Variants in RIC1 observed in about 807,000 individuals in gnomAD.
The protein encoded by RIC1 is guanine nucleotide exchange factor subunit RIC1.
A neutral mutation model predicts 169.0 loss-of-function variants in RIC1; 88 were observed. That is an observed-to-expected ratio of 0.52 (90% CI 0.44 to 0.62). The LOEUF (loss-of-function observed/expected upper bound fraction) is 0.62. Among genes scored for constraint, RIC1 ranks in the 20% least tolerant of loss-of-function variants. The probability of loss-of-function intolerance (pLI) is 0.00; values close to 1 mark genes in which losing one functional copy is unlikely to be tolerated. For missense variants in RIC1, 1,877 were observed against 1,725.5 expected, an observed-to-expected ratio of 1.09 and a Z score of -1.56; for synonymous variants, 790 against 601.5, an observed-to-expected ratio of 1.31 and a Z score of -4.59.
At chr9:5,702,448 C>T (rs1822281126) in intron 3 of RIC1, among the ~76,000 whole-genome samples, 1 of 152,222 alleles carries the variant, frequency 6.6e-6, no homozygotes, top group East Asian at 1.9e-4. Flanking sequence ...GCAGGCACCT[C>T]TTACACGGCC....
At position 5,726,466 on chromosome 9, in the gene RIC1, C is replaced by T. The variant is rs911404781; in HGVS notation, c.720+5716C>T. 2.0e-5 allele frequency among the ~76,000 whole-genome samples: 3 copies of T among 152,140 alleles called. No individual in the cohort carries two copies. The East Asian group carries it at 5.8e-4, about 29-fold the overall frequency. On this transcript the variant is annotated intron_variant, in intron 6 of 25. Transcript: ENST00000414202. ...GTGTGTCTCTGCACGTAAGGTAGGT[C>T]TCCAGAATACAGCACAATGATGGGT... is the stretch of plus-strand genomic sequence containing the variant.
intron 7 of RIC1, among the ~76,000 whole-genome samples, chr9:5,735,363 C>G (rs1317070033): frequency 6.6e-6 from 1 of 152,170 alleles, no homozygotes; most frequent in African/African-American, 2.4e-5. Flanking sequence ...GGCAAGTGTG[C>G]AGTTCCATTT....
chr9:5,653,517 G>C (rs915456579), intron 1 of RIC1, among the ~76,000 whole-genome samples: 1 of 152,138 alleles, frequency 6.6e-6, no homozygotes, highest in Admixed American at 6.6e-5. Context: ...AAGTTGGGAA[G>C]AACTGACATA....
At chr9:5,647,980 G>GTGGTGGGGGTGA (rs1818612717) in intron 1 of RIC1, among the ~76,000 whole-genome samples, 1 of 127,362 alleles carries the variant, frequency 7.9e-6, no homozygotes, top group Non-Finnish European at 1.6e-5. Context: ...GGTGATGGTG[G>GTGGTGGGGGTGA]TGGTGGTGGT....
intron 12 of RIC1, among the ~76,000 whole-genome samples, chr9:5,748,096 A>C (rs941378834): frequency 2.6e-5 from 4 of 152,258 alleles, no homozygotes; most frequent in African/African-American, 9.6e-5. Flanking sequence ...CATGGAAATT[A>C]ATTCTCAATT....
chr9:5,773,771 T>C (rs1422882077), intron 25 of RIC1, among the ~76,000 whole-genome samples, 187 bp from the exon 26 acceptor site: 1 of 152,192 alleles, frequency 6.6e-6, no homozygotes, highest in Non-Finnish European at 1.5e-5. Context: ...GCTTATGCAA[T>C]GTGCAGCCCC....
intron 8 of RIC1, 111 bp from the exon 9 acceptor site, chr9:5,742,758 C>T: frequency 1.1e-6 from 1 of 949,106 alleles, no homozygotes; most frequent in Non-Finnish European, 1.6e-6. Context: ...AGCAGTCATA[C>T]CTTTCTACTC....
intron 6 of RIC1, among the ~76,000 whole-genome samples, chr9:5,731,772 A>G (rs1374587751): frequency 1.3e-5 from 2 of 152,176 alleles, no homozygotes; most frequent in Non-Finnish European, 2.9e-5. Context: ...TCTTCATTTA[A>G]TCTTTGAAAC....
At chr9:5,637,934 G>C (rs543672903) in intron 1 of RIC1, among the ~76,000 whole-genome samples, 1 of 152,278 alleles carries the variant, frequency 6.6e-6, no homozygotes, top group East Asian at 1.9e-4. Flanking sequence ...CCAGATCTTA[G>C]AGGAAAGGCT....
At chr9:5,673,969 G>C (rs13298865) in intron 2 of RIC1, among the ~76,000 whole-genome samples, 3,932 of 152,162 alleles carry the variant, frequency 0.026, 58 homozygotes, top group Non-Finnish European at 0.035. Flanking sequence ...TTGTATTTTA[G>C]ATAACCCTCT....
intron 8 of RIC1, among the ~76,000 whole-genome samples, chr9:5,742,594 C>T (rs1005459889): frequency 9.9e-5 from 15 of 151,796 alleles, no homozygotes; most frequent in East Asian, 3.9e-4. Flanking sequence ...TTTAAGATTA[C>T]GCAGTTATAA....
At chr9:5,727,252 T>C (rs1387597293) in intron 6 of RIC1, among the ~76,000 whole-genome samples, 2 of 152,206 alleles carry the variant, frequency 1.3e-5, no homozygotes, top group African/African-American at 4.8e-5. Context: ...TTTGTTCATT[T>C]CTTTTTACTC....
intron 1 of RIC1, among the ~76,000 whole-genome samples, chr9:5,642,616 T>C (rs1818306348): frequency 6.9e-6 from 1 of 144,904 alleles, no homozygotes; most frequent in African/African-American, 2.8e-5. Flanking sequence ...AACACAAAAT[T>C]CTTCCCACTT....
intron 11 of RIC1, among the ~76,000 whole-genome samples, chr9:5,746,912 A>G (rs1479028341): frequency 1.3e-5 from 2 of 152,162 alleles, no homozygotes; most frequent in African/African-American, 4.8e-5. Flanking sequence ...AAAAGAAGAG[A>G]GCATTTCTCC....
chr9:5,660,923 G>C (rs1178000559), intron 2 of RIC1, among the ~76,000 whole-genome samples: 1 of 152,058 alleles, frequency 6.6e-6, no homozygotes, highest in Non-Finnish European at 1.5e-5. Context: ...TGAAATCTCT[G>C]CCTGTGCCTG....
intron 1 of RIC1, among the ~76,000 whole-genome samples, chr9:5,631,301 G>C (rs965316065): frequency 2.0e-5 from 3 of 152,102 alleles, no homozygotes; most frequent in African/African-American, 4.8e-5. Context: ...CTACTATTAA[G>C]TTCTGTTGTG....
intron 6 of RIC1, among the ~76,000 whole-genome samples, chr9:5,721,964 C>A (rs1823617987): frequency 6.6e-6 from 1 of 151,624 alleles, no homozygotes; most frequent in African/African-American, 2.4e-5. Context: ...TCTCGGCTCA[C>A]CACAACCTCC....
In RIC1 at chr9:5,753,237, G is replaced by A. The variant is rs1193571125; in HGVS notation, c.1490G>A (p.Arg497Gln). 3 of 1,613,110 alleles carry A rather than the reference G, an allele frequency of 1.9e-6. No homozygotes were observed. The highest frequency in any genetic ancestry group is 1.3e-5 in the African/African-American group (1 of 74,880). Residue 497 changes from arginine to glutamine, a missense_variant and splice_region_variant, in exon 13 of 26, where the codon CGG (arginine) becomes CAG (glutamine). Arg to Gln is a conservative substitution (Grantham distance 43, BLOSUM62 1). Around this residue, in one of 3 missense-constraint regions of RIC1, gnomAD observed 1,104 missense variants for 992.0 expected, o/e 1.11. Coordinates refer to ENST00000414202, the MANE Select transcript of RIC1 (RefSeq NM_020829.4). ...TATCTAGAGAGCAATTGGCCTATAC[G>A]GGTGAGTTGTTATTTTGTTGGTGTT... Reference protein sequence around the residue: ...STYLESNWPIRFSAIDKLGQN... With the variant: ...STYLESNWPIQFSAIDKLGQN...
chr9:5,646,450 C>T (rs924201517), intron 1 of RIC1, among the ~76,000 whole-genome samples: 2 of 152,056 alleles, frequency 1.3e-5, no homozygotes, highest in African/African-American at 4.8e-5. Context: ...TGCCTAGTGA[C>T]AATAGAAATT....
Sources: gnomAD v4.1 joint callset for allele counts (sites outside exome capture counted in the v4.1 genomes callset) on GRCh38, gnomAD v4.1.1 for gene constraint, gnomAD v4.1.1 regional missense constraint, MANE v1.5 for transcripts, NCBI Gene and HGNC (gene_info 2026-07-23, HGNC 2026-07-21) for gene names.